TTLL7: variants seen among roughly 807,000 people sequenced by gnomAD.
TTLL7 encodes tubulin polyglutamylase TTLL7.
TTLL7 carries 53 observed loss-of-function variants against 120.2 expected under a neutral mutation model. The observed-to-expected ratio is 0.44, with a 90% confidence interval of 0.35 to 0.55. The LOEUF is 0.55. TTLL7 is among the 20% of genes least tolerant of loss of function. The pLI, the probability that TTLL7 is intolerant of heterozygous loss-of-function variation, is 0.00. For synonymous variants in TTLL7, 353 were observed against 351.7 expected, an observed-to-expected ratio of 1.00 and a Z score of -0.04; for missense variants, 803 against 1,054.7, an observed-to-expected ratio of 0.76 and a Z score of 3.31.
chr1:83,898,523 A>G (rs1357972883), intron 18 of TTLL7, among the ~76,000 whole-genome samples: 1 of 151,980 alleles, frequency 6.6e-6, no homozygotes, highest in Non-Finnish European at 1.5e-5. Context: ...TAATGAAAAG[A>G]GGTCTAGTAA....
In TTLL7 at chr1:83,948,731, C is replaced by A. The variant is rs373299193; in HGVS notation, c.280-36G>T. 264 of 1,440,642 alleles carry A rather than the reference C, an allele frequency of 1.8e-4. 1 individual carries two copies. Among genetic ancestry groups the A allele is most frequent in the Admixed American group, 4.8e-4 (28 of 58,224 alleles). The allele number at this position is 1,440,642 out of a possible 1,614,324, so 89.2% of individuals were successfully genotyped here. A position where few individuals can be genotyped will look rare whatever the true frequency, so the allele number is the denominator to read the frequency against. On this transcript the variant is annotated intron_variant, in intron 4 of 20. Transcript: ENST00000260505. The stretch of plus-strand genomic sequence containing the variant: ...AAAAGGTAAATATTAATATTCTCAG[C>A]GAATTAATTATATTCATGTATACGA...
chr1:83,899,045 C>T (rs1238347830), intron 18 of TTLL7, among the ~76,000 whole-genome samples: 2 of 151,716 alleles, frequency 1.3e-5, no homozygotes, highest in Non-Finnish European at 2.9e-5. Flanking sequence ...AAAGAACCTA[C>T]AAATTTTGGC....
At chr1:83,911,012 G>T (rs974530776) in intron 15 of TTLL7, among the ~76,000 whole-genome samples, 153 bp downstream of exon 15, 5 of 152,130 alleles carry the variant, frequency 3.3e-5, no homozygotes, top group Admixed American at 3.3e-4. Flanking sequence ...ATTAAGGGAT[G>T]TGCCCGAGTC....
chr1:83,985,354 G>A (rs1304923688), intron 1 of TTLL7, among the ~76,000 whole-genome samples: 1 of 152,182 alleles, frequency 6.6e-6, no homozygotes, highest in African/African-American at 2.4e-5. Context: ...CAGCCAGAAG[G>A]CTCAGCAAGC....
chr1:83,976,810 T>C (rs1251002293), intron 1 of TTLL7, among the ~76,000 whole-genome samples: 1 of 152,034 alleles, frequency 6.6e-6, no homozygotes, highest in African/African-American at 2.4e-5. Flanking sequence ...TATTGAACAC[T>C]GAAATAAAAT....
intron 6 of TTLL7, among the ~76,000 whole-genome samples, chr1:83,944,600 C>T (rs1418184723): frequency 6.6e-6 from 1 of 152,044 alleles, no homozygotes; most frequent in Non-Finnish European, 1.5e-5. Flanking sequence ...CCCAGCTGCT[C>T]GGGAGGCTGG....
chr1:83,870,058 T>C lies in TTLL7; in HGVS notation c.2568A>G (p.Gln856=), dbSNP rs145508637. Residue 856 remains glutamine (Q), a synonymous_variant, in exon 21 of 21, where the codon CAA becomes CAG. Transcript: ENST00000260505. The part of the protein sequence containing the change: ...NSRYLLPGST[Q]FFLRTPTYNL... ...TGTAGGTTGGTGTTCTCAAGAAGAA[T>C]TGGGTGCTCCCTGGTAGTAAATACC... 199 of 1,576,556 alleles carry C rather than the reference T, an allele frequency of 1.3e-4. 1 individual carries two copies. Among genetic ancestry groups the C allele is most frequent in the Middle Eastern group, 3.3e-4 (2 of 5,990 alleles).
chr1:83,956,739 A>G (rs1649561992), intron 1 of TTLL7, among the ~76,000 whole-genome samples: 1 of 152,110 alleles, frequency 6.6e-6, no homozygotes, highest in Admixed American at 6.6e-5. Flanking sequence ...CCTAACCCAC[A>G]TTTTTAAGTG....
At chr1:83,979,038 G>A (rs1310471070) in intron 1 of TTLL7, 1 of 152,202 alleles carries the variant, frequency 6.6e-6, no homozygotes, top group East Asian at 1.9e-4. Flanking sequence ...AAGCAGAGAG[G>A]AGACCATGCT....
At chr1:83,924,216 G>C (rs1463778086) in intron 10 of TTLL7, among the ~76,000 whole-genome samples, 2 of 152,176 alleles carry the variant, frequency 1.3e-5, no homozygotes, top group Non-Finnish European at 2.9e-5. Context: ...AGGGTATGAT[G>C]AGTACTATTT....
intron 18 of TTLL7, among the ~76,000 whole-genome samples, chr1:83,892,358 G>T (rs1290653858): frequency 7.9e-6 from 1 of 126,764 alleles, no homozygotes; most frequent in African/African-American, 2.9e-5. Context: ...GAATATATAT[G>T]AATATATATA....
At chr1:83,900,230 T>C (rs1452531428) in intron 18 of TTLL7, 2 of 412,080 alleles carry the variant, frequency 4.9e-6, no homozygotes, top group Non-Finnish European at 9.5e-6. Context: ...AGCAGCTAGC[T>C]TGCTACTGAG....
chr1:83,997,362 C>A lies in TTLL7; in HGVS notation c.-177+1569G>T, dbSNP rs376111456. On this transcript the variant is annotated intron_variant, in intron 1 of 20. Coordinates refer to ENST00000260505, the MANE Select transcript of TTLL7 (RefSeq NM_024686.6). ...CGCTAATGAAAGCAAGTCAAAGGAC[C>A]CATCAACGGGCGAAGAAAGACCTAG... Among the ~76,000 whole-genome samples the A allele has an allele frequency of 4.3e-4, 65 of 152,160 alleles. 1 individual carries two copies. The South Asian group carries it at 0.013, about 30-fold the overall frequency.
At chr1:83,975,787 T>C (rs183095318) in intron 1 of TTLL7, among the ~76,000 whole-genome samples, 3 of 152,236 alleles carry the variant, frequency 2.0e-5, no homozygotes, top group East Asian at 1.9e-4. Context: ...ATGTTCTTTT[T>C]AGTACAGATG....
Position 83,907,602 on chromosome 1 carries a change from C to T in TTLL7, c.1846G>A (p.Gly616Arg). 1 of 1,613,204 alleles carries T rather than the reference C, an allele frequency of 6.2e-7. No individual in the cohort carries two copies. The highest frequency in any genetic ancestry group is 8.5e-7 in the Non-Finnish European group (1 of 1,179,546). Residue 616 changes from glycine to arginine, a missense_variant, in exon 16 of 21, where the codon GGG (glycine) becomes AGG (arginine). Transcript: ENST00000260505. Reference sequence around the variant, plus strand: ...TGAGCAGAAAATGGGCGGGTGTCCCCACTGGAAGGTGATTGAGCAGAGATG... The same window carrying T: ...TGAGCAGAAAATGGGCGGGTGTCCCTACTGGAAGGTGATTGAGCAGAGATG... The part of the protein sequence containing the change: ...RSISAQSPSS[G>R]DTRPFSAQQM...
chr1:83,993,419 T>C (rs1653183529), intron 1 of TTLL7, among the ~76,000 whole-genome samples: 1 of 152,216 alleles, frequency 6.6e-6, no homozygotes, highest in South Asian at 2.1e-4. Flanking sequence ...GAATTAGACA[T>C]GGCGCCAGCT....
chr1:83,892,517 T>A (rs1449031498), intron 18 of TTLL7, among the ~76,000 whole-genome samples: 8 of 137,976 alleles, frequency 5.8e-5, no homozygotes, highest in African/African-American at 1.4e-4. Flanking sequence ...TGAACATATA[T>A]ATGAACATAT....
At chr1:83,952,043 C>G in intron 2 of TTLL7, 67 bp from the exon 3 acceptor site, 1 of 1,518,120 alleles carries the variant, frequency 6.6e-7, no homozygotes, top group South Asian at 1.2e-5. Context: ...AACACAAATA[C>G]CACCCCCACC....
intron 1 of TTLL7, among the ~76,000 whole-genome samples, chr1:83,992,149 T>C (rs1472972668): frequency 2.0e-5 from 3 of 152,170 alleles, no homozygotes; most frequent in East Asian, 1.9e-4. Flanking sequence ...AAAATGCTCA[T>C]TTGGCACTGA....
Sources: gnomAD v4.1 joint callset for allele counts (sites outside exome capture counted in the v4.1 genomes callset) on GRCh38, gnomAD v4.1.1 for gene constraint, MANE v1.5 for transcripts, NCBI Gene and HGNC (gene_info 2026-07-23, HGNC 2026-07-21) for gene names.